The following TTLL9 variants were observed in gnomAD, a reference collection of about 807,000 sequenced individuals.
The protein encoded by TTLL9 is tubulin tyrosine ligase like 9, also known as probable tubulin polyglutamylase TTLL9.
TTLL9 carries 47 observed loss-of-function variants against 65.6 expected under a neutral mutation model. That is an observed-to-expected ratio of 0.72 (90% CI 0.57 to 0.91). The LOEUF is 0.91. TTLL9 is among the 40% of genes least tolerant of loss of function. TTLL9 has a pLI of 0.00. For missense variants in TTLL9, 537 were observed against 568.8 expected, an observed-to-expected ratio of 0.94 and a Z score of 0.57; for synonymous variants, 179 against 204.8, an observed-to-expected ratio of 0.87 and a Z score of 1.07.
rs2063622283 is a variant in TTLL9 at position 31,909,935 on chromosome 20, T to C, written c.504+13T>C. The C allele has an allele frequency of 2.0e-6, 2 of 986,814 alleles. No individual in the cohort carries two copies. Among genetic ancestry groups the C allele is most frequent in the Non-Finnish European group, 1.5e-6 (1 of 658,038 alleles). The allele number at this position is 986,814 out of a possible 1,614,324, so 61.1% of individuals were successfully genotyped here. On this transcript the variant is annotated intron_variant, in intron 6 of 14. Transcript: ENST00000535842. ...GATCATGAAGCCTGTGAGTGCCCAGTGCCAGGGGCTGGGTGGGAGGGAATG... is the reference window on the plus strand; with the variant it reads ...GATCATGAAGCCTGTGAGTGCCCAGCGCCAGGGGCTGGGTGGGAGGGAATG...
intron 10 of TTLL9, 90 bp from the exon 11 acceptor site, chr20:31,933,710 C>G: frequency 1.6e-6 from 2 of 1,235,668 alleles, no homozygotes; most frequent in Admixed American, 4.1e-5. Context: ...GTAGCCTTCC[C>G]CATCAATTCT....
chr20:31,934,561 T>C, intron 11 of TTLL9, 131 bp from the exon 12 acceptor site: 1 of 843,238 alleles, frequency 1.2e-6, no homozygotes, highest in South Asian at 1.7e-5. Context: ...TCATCCTAAT[T>C]ACAGGGCTCA....
chr20:31,937,400 C>A lies in TTLL9; in HGVS notation c.1009C>A (p.Leu337Ile), dbSNP rs368625623. 32 of 1,613,662 alleles carry A rather than the reference C, an allele frequency of 2.0e-5. No homozygotes were observed. The African/African-American group carries it at 3.9e-4, about 19-fold the overall frequency. Reference sequence around the variant, plus strand: ...TCTACTCCCCTCCCTTCCCAGGTGGCTCCTGGAGGTCAATGCGTCCCCATC... The same window carrying A: ...TCTACTCCCCTCCCTTCCCAGGTGGATCCTGGAGGTCAATGCGTCCCCATC... ...ILIDQDLKPW[L>I]LEVNASPSLT... Residue 337 changes from leucine to isoleucine, a missense_variant, in exon 13 of 15, where the codon CTC becomes ATC. Around this residue, in one of 3 missense-constraint regions of TTLL9, gnomAD observed 205 missense variants for 225.9 expected, o/e 0.91. Coordinates refer to ENST00000535842, the MANE Select transcript of TTLL9 (RefSeq NM_001008409.5).
chr20:31,899,491 A>G (rs1029583387), intron 4 of TTLL9, among the ~76,000 whole-genome samples: 3 of 152,142 alleles, frequency 2.0e-5, no homozygotes, highest in Non-Finnish European at 4.4e-5. Context: ...AAAGTTAGCC[A>G]GGCATGGTGG....
chr20:31,887,878 C>CTTCTCTTCTA (rs1437332602), intron 3 of TTLL9, among the ~76,000 whole-genome samples: 1 of 148,940 alleles, frequency 6.7e-6, no homozygotes, highest in African/African-American at 2.5e-5. Context: ...CTTCTCTTCT[C>CTTCTCTTCTA]TTCTCTTCTC....
At position 31,911,726 on chromosome 20, in the gene TTLL9, A is replaced by G. The variant is rs2063650089; in HGVS notation, c.504+1804A>G. 3.3e-5 allele frequency among the ~76,000 whole-genome samples: 5 copies of G among 152,180 alleles called. No homozygotes were observed. In the East Asian group the frequency reaches 9.6e-4, roughly 29 times the overall value. On this transcript the variant is annotated intron_variant, in intron 6 of 14. Coordinates refer to ENST00000535842, the MANE Select transcript of TTLL9 (RefSeq NM_001008409.5). The stretch of plus-strand genomic sequence containing the variant: ...TGTGCTAATTGGGAACAGCACTTGC[A>G]TATTAAATTGATTCCATTCCCAGCC...
intron 2 of TTLL9, among the ~76,000 whole-genome samples, chr20:31,873,800 G>GA (rs1206487862): frequency 2.3e-5 from 2 of 88,830 alleles, no homozygotes; most frequent in Admixed American, 1.2e-4. Context: ...AAGAAAGGAA[G>GA]GAAGGAAGGA....
chr20:31,917,986 A>C (rs2063760595), intron 6 of TTLL9, among the ~76,000 whole-genome samples: 1 of 152,084 alleles, frequency 6.6e-6, no homozygotes, highest in African/African-American at 2.4e-5. Flanking sequence ...GTTCCCATAC[A>C]TCTTTCTGCA....
intron 4 of TTLL9, among the ~76,000 whole-genome samples, chr20:31,906,906 T>A (rs2063567217): frequency 6.6e-6 from 1 of 152,132 alleles, no homozygotes; most frequent in Admixed American, 6.6e-5. Flanking sequence ...CACCTTGGCC[T>A]CCCAAAATAC....
chr20:31,933,692 G>A, intron 10 of TTLL9, 108 bp from the exon 11 acceptor site: 1 of 1,023,580 alleles, frequency 9.8e-7, no homozygotes, highest in Non-Finnish European at 1.4e-6. Flanking sequence ...CGACCGTGGA[G>A]CTATTTCGTA....
rs896713349 is a variant in TTLL9, at chr20:31,943,359, C to G, written c.*338C>G. ...ATCTAATAAATGAGCACAGGCCCTA[C>G]TTGGAGTCACTGGGCACCAGGCCTG... On this transcript the variant is annotated 3_prime_UTR_variant, in exon 15 of 15. Transcript: ENST00000535842. The G allele has an allele frequency of 1.1e-5, 4 of 363,474 alleles. No individual in the cohort carries two copies. The highest frequency in any genetic ancestry group is 1.6e-5 in the Non-Finnish European group (3 of 190,094). 22.5% of individuals were successfully genotyped at this position (363,474 alleles called of 1,614,324 possible).
chr20:31,905,275 A>G (rs2063536972), intron 4 of TTLL9, among the ~76,000 whole-genome samples: 1 of 151,938 alleles, frequency 6.6e-6, no homozygotes, highest in Admixed American at 6.6e-5. Context: ...GGGTTTCACC[A>G]TGTTGGCCAG....
At chr20:31,876,245 G>A (rs955280454) in intron 2 of TTLL9, among the ~76,000 whole-genome samples, 1 of 152,148 alleles carries the variant, frequency 6.6e-6, no homozygotes, top group Non-Finnish European at 1.5e-5. Flanking sequence ...TCAGGAGTTC[G>A]AGACCAGCCT....
intron 14 of TTLL9, 72 bp from the exon 15 acceptor site, chr20:31,942,873 G>C (rs1228410378): frequency 2.7e-6 from 4 of 1,476,428 alleles, no homozygotes; most frequent in African/African-American, 2.8e-5. Context: ...TCCCAGCAGG[G>C]AGTTGGGGCA....
chr20:31,927,480 C>CAAA (rs777895091), intron 10 of TTLL9, among the ~76,000 whole-genome samples: 102 of 53,518 alleles, frequency 1.9e-3, no homozygotes, highest in East Asian at 2.3e-3. Context: ...GACTCTGTCT[C>CAAA]AAAAAAAAAA....
At chr20:31,939,563 T>C (rs868596198) in intron 14 of TTLL9, 3 of 227,622 alleles carry the variant, frequency 1.3e-5, no homozygotes, top group African/African-American at 4.6e-5. Flanking sequence ...TCTGGTGTAT[T>C]TCCTTCCAGT....
chr20:31,902,702 TAGG>T (rs1394544936), intron 4 of TTLL9, among the ~76,000 whole-genome samples: 1 of 152,186 alleles, frequency 6.6e-6, no homozygotes, highest in African/African-American at 2.4e-5. Context: ...GGTGTATACA[TAGG>T]AGTGGAGTGA....
intron 8 of TTLL9, among the ~76,000 whole-genome samples, chr20:31,923,272 A>G (rs2063841032): frequency 6.6e-6 from 1 of 152,088 alleles, no homozygotes; most frequent in African/African-American, 2.4e-5. Context: ...GTTCAGAAAA[A>G]TTCTCCTCCT....
chr20:31,939,080 T>C (rs2064163635), intron 13 of TTLL9, 62 bp from the exon 14 acceptor site: 3 of 1,490,422 alleles, frequency 2.0e-6, no homozygotes, highest in South Asian at 1.4e-5. Context: ...GGGACCTCAC[T>C]TGGGTCTTAG....
Sources: allele counts gnomAD v4.1 joint callset (sites outside exome capture counted in the v4.1 genomes callset), GRCh38; gene constraint gnomAD v4.1.1; regional missense constraint gnomAD v4.1.1; transcripts MANE v1.5; gene names NCBI Gene and HGNC (gene_info 2026-07-23, HGNC 2026-07-21).